The following FAM13A variants were observed in gnomAD, a reference collection of about 807,000 sequenced individuals.
The protein encoded by FAM13A is protein FAM13A.
Under a neutral mutation model 129.6 loss-of-function variants are expected in FAM13A, and 76 were observed. The observed-to-expected ratio is 0.59, with a 90% confidence interval of 0.49 to 0.71. FAM13A has a LOEUF of 0.71. Ranked by LOEUF, FAM13A falls within the 30% of genes least tolerant of loss-of-function variation. The pLI is 0.00. For synonymous variants in FAM13A, 443 were observed against 449.9 expected (o/e 0.98, Z 0.20); for missense variants, 1,108 against 1,249.3 (o/e 0.89, Z 1.70).
At chr4:88,968,531 G>A (rs1257316877) in intron 4 of FAM13A, among the ~76,000 whole-genome samples, 1 of 151,988 alleles carries the variant, frequency 6.6e-6, no homozygotes, top group Non-Finnish European at 1.5e-5. Flanking sequence ...TAGAGTACTT[G>A]GCAATTGTTC....
intron 10 of FAM13A, among the ~76,000 whole-genome samples, chr4:88,783,995 A>G (rs1560983316): frequency 6.6e-6 from 1 of 152,144 alleles, no homozygotes; most frequent in African/African-American, 2.4e-5. Context: ...TGGCAGCCCA[A>G]GCAGACTAAA....
At chr4:89,002,331 G>C (rs1764374235) in intron 3 of FAM13A, among the ~76,000 whole-genome samples, 1 of 152,150 alleles carries the variant, frequency 6.6e-6, no homozygotes. Flanking sequence ...GCAGGCATGT[G>C]CTCAGACAGG....
At chr4:88,905,226 G>A (rs888299440) in intron 6 of FAM13A, among the ~76,000 whole-genome samples, 4 of 152,030 alleles carry the variant, frequency 2.6e-5, no homozygotes, top group African/African-American at 9.7e-5. Context: ...CTGCTTCTGA[G>A]GTTCAAGCAA....
rs1266338922 is a variant in FAM13A, at chr4:88,727,428, CTTT to C, written c.*1102_*1104del. ...TATAATTGGCCACACAGCATGACTT[CTTT>C]TTTTTCTTTTTATACATGATCTCGA... On this transcript the variant is annotated 3_prime_UTR_variant, in exon 24 of 24. Coordinates refer to ENST00000264344, the MANE Select transcript of FAM13A (RefSeq NM_014883.4). 6.6e-6 allele frequency: 1 copy of C among 152,454 alleles called. No homozygotes were observed. The highest frequency in any genetic ancestry group is 1.5e-5 in the Non-Finnish European group (1 of 67,990). 9.4% of individuals were successfully genotyped at this position (152,454 alleles called of 1,614,324 possible). A position where few individuals can be genotyped will look rare whatever the true frequency, so the allele number is the denominator to read the frequency against.
In FAM13A at chr4:88,789,958, G is replaced by A. The variant is rs149535574; in HGVS notation, c.1091+628C>T. 4.3e-3 allele frequency among the ~76,000 whole-genome samples: 651 copies of A among 152,276 alleles called. 5 individuals are homozygous for A. The highest frequency in any genetic ancestry group is 0.032 in the South Asian group (154 of 4,828). On this transcript the variant is annotated intron_variant, in intron 9 of 23. Coordinates refer to ENST00000264344, the MANE Select transcript of FAM13A (RefSeq NM_014883.4). ...ATGGTCAGAGGCATTAGCAAGGACT[G>A]ATAACTGGAGTTTAGGTTTAGTCTA... is the stretch of plus-strand genomic sequence containing the variant.
intron 3 of FAM13A, among the ~76,000 whole-genome samples, chr4:88,994,865 A>T (rs937856531): frequency 3.3e-5 from 5 of 151,934 alleles, no homozygotes; most frequent in Non-Finnish European, 5.9e-5. Flanking sequence ...CCTAATAATT[A>T]CTTTGCTATG....
chr4:88,828,285 C>T (rs142651622), intron 7 of FAM13A, among the ~76,000 whole-genome samples: 39 of 152,090 alleles, frequency 2.6e-4, no homozygotes, highest in African/African-American at 7.5e-4. Context: ...AGACCACAGG[C>T]GCATGCTAAA....
intron 6 of FAM13A, among the ~76,000 whole-genome samples, chr4:88,888,646 C>T (rs1242404718): frequency 6.6e-6 from 1 of 152,040 alleles, no homozygotes; most frequent in Non-Finnish European, 1.5e-5. Context: ...ATCCTTGAGG[C>T]CAGGCACGGT....
intron 1 of FAM13A, among the ~76,000 whole-genome samples, chr4:89,041,527 G>A (rs185236392): frequency 7.0e-4 from 107 of 151,888 alleles, no homozygotes; most frequent in African/African-American, 2.3e-3. Context: ...AGGCATAAAT[G>A]GGTTAAATAA....
At chr4:88,803,207 G>T (rs954272440) in intron 8 of FAM13A, among the ~76,000 whole-genome samples, 1 of 152,108 alleles carries the variant, frequency 6.6e-6, no homozygotes, top group African/African-American at 2.4e-5. Context: ...TTTTGCATTT[G>T]TGAAATAGTT....
At chr4:88,864,980 A>G (rs1740131963) in intron 6 of FAM13A, among the ~76,000 whole-genome samples, 1 of 152,216 alleles carries the variant, frequency 6.6e-6, no homozygotes, top group Non-Finnish European at 1.5e-5. Context: ...CTTGTGAAAA[A>G]TATCAGGAAA....
rs935776992 is a variant in FAM13A, at chr4:89,039,795, T to A, written c.28-10146A>T. Among the ~76,000 whole-genome samples the A allele has an allele frequency of 3.3e-5, 5 of 151,704 alleles. No individual in the cohort carries two copies. In the South Asian group the frequency reaches 8.3e-4, roughly 25 times the overall value. The stretch of plus-strand genomic sequence containing the variant: ...GAGATCCCATCTCTACCAAAAAAAA[T>A]TTTTTTTAATTATCTGGGCATGATG... On this transcript the variant is annotated intron_variant, in intron 1 of 23. Transcript: ENST00000264344.
In FAM13A at chr4:88,731,293, G is replaced by C. The variant is rs190742441; in HGVS notation, c.2945+34C>G. The C allele has an allele frequency of 1.8e-4, 217 of 1,207,744 alleles. 2 individuals are homozygous for C. Among genetic ancestry groups the C allele is most frequent in the South Asian group, 1.7e-3 (132 of 79,780 alleles). The allele number at this position is 1,207,744 out of a possible 1,614,324, so 74.8% of individuals were successfully genotyped here. A position where few individuals can be genotyped will look rare whatever the true frequency, so the allele number is the denominator to read the frequency against. On this transcript the variant is annotated intron_variant, in intron 23 of 23. Coordinates refer to ENST00000264344, the MANE Select transcript of FAM13A (RefSeq NM_014883.4). ...GGGATGGGTGTGTGTGGTGCGGCGG[G>C]GGGGAAGGGAGGGTGGGGGAAGACA... is the stretch of plus-strand genomic sequence containing the variant.
At chr4:89,050,255 A>C (rs376725632) in intron 1 of FAM13A, among the ~76,000 whole-genome samples, 2 of 151,808 alleles carry the variant, frequency 1.3e-5, no homozygotes, top group East Asian at 3.9e-4. Flanking sequence ...TCTGTCACCC[A>C]TGCTGGAGTG....
chr4:88,991,147 C>A lies in FAM13A; in HGVS notation c.431G>T (p.Gly144Val), dbSNP rs915640268. 1.2e-6 allele frequency: 2 copies of A among 1,604,366 alleles called. No individual in the cohort carries two copies. Among genetic ancestry groups the A allele is most frequent in the Non-Finnish European group, 1.7e-6 (2 of 1,176,094 alleles). The change falls in exon 4 of 24, where the codon GGC becomes GTC. Residue 144 changes from glycine to valine, a missense_variant. Transcript: ENST00000264344. Reference sequence around the variant, plus strand: ...GCTACTCTCCTGAACATCATTTCTGCCATCTGGAAAAAAAAAGAATAAAAA... The same window carrying A: ...GCTACTCTCCTGAACATCATTTCTGACATCTGGAAAAAAAAAGAATAAAAA... ...QPRFIQLFQD[G>V]RNDVQESSLR... is the part of the protein sequence containing the mutation.
intron 5 of FAM13A, among the ~76,000 whole-genome samples, chr4:88,932,034 G>C (rs1201105352): frequency 6.6e-6 from 1 of 152,224 alleles, no homozygotes; most frequent in Non-Finnish European, 1.5e-5. Flanking sequence ...GTTAGGAATA[G>C]TGAAGACATA....
At chr4:88,970,259 T>C (rs1367445134) in intron 4 of FAM13A, among the ~76,000 whole-genome samples, 1 of 152,158 alleles carries the variant, frequency 6.6e-6, no homozygotes, top group Non-Finnish European at 1.5e-5. Context: ...AGCCCCCAGA[T>C]ATTCCTCTAA....
chr4:88,944,107 C>T (rs1394571306), intron 4 of FAM13A, among the ~76,000 whole-genome samples: 6 of 151,660 alleles, frequency 4.0e-5, no homozygotes, highest in Admixed American at 3.9e-4. Context: ...CTCACATGTG[C>T]AATCTCAACT....
intron 5 of FAM13A, among the ~76,000 whole-genome samples, chr4:88,921,020 G>T (rs1388628333): frequency 6.6e-6 from 1 of 152,104 alleles, no homozygotes; most frequent in African/African-American, 2.4e-5. Flanking sequence ...AAAAAGAAAT[G>T]AACAAAGCCC....
Sources: gnomAD v4.1 joint callset for allele counts (sites outside exome capture counted in the v4.1 genomes callset) on GRCh38, gnomAD v4.1.1 for gene constraint, MANE v1.5 for transcripts, NCBI Gene and HGNC (gene_info 2026-07-23, HGNC 2026-07-21) for gene names.